Variants in FRMD4A observed in about 807,000 individuals in gnomAD.
FRMD4A encodes FERM domain-containing protein 4A.
A neutral mutation model predicts 129.1 loss-of-function variants in FRMD4A; 29 were observed. The ratio of observed to expected loss-of-function variants is 0.22; its 90% CI spans 0.17 to 0.31. The LOEUF is 0.31. Among genes scored for constraint, FRMD4A ranks in the 10% least tolerant of loss-of-function variants. The probability of loss-of-function intolerance (pLI) is 1.00; values close to 1 mark genes in which losing one functional copy is unlikely to be tolerated. For missense variants in FRMD4A, 1,272 were observed against 1,375.8 expected (o/e 0.92, Z 1.19); for synonymous variants, 634 against 571.6 (o/e 1.11, Z -1.56).
chr10:14,073,767 A>C (rs1835428318), intron 2 of FRMD4A, among the ~76,000 whole-genome samples: 1 of 152,092 alleles, frequency 6.6e-6, no homozygotes, highest in Non-Finnish European at 1.5e-5. Context: ...CTAATAACTT[A>C]GGTGTTAAAA....
intron 2 of FRMD4A, among the ~76,000 whole-genome samples, chr10:13,967,450 A>G (rs2095492473): frequency 6.6e-6 from 1 of 152,238 alleles, no homozygotes; most frequent in East Asian, 1.9e-4. Flanking sequence ...CTTGGGTGAT[A>G]GGTGCAACAA....
intron 2 of FRMD4A, among the ~76,000 whole-genome samples, chr10:14,048,354 T>C (rs941616088): frequency 1.3e-5 from 2 of 152,230 alleles, no homozygotes; most frequent in African/African-American, 4.8e-5. Flanking sequence ...TTCCTCTTAA[T>C]AGCACGTCGT....
chr10:13,740,137 TTTTGATTTG>T, intron 11 of FRMD4A, 48 bp downstream of exon 11: 1 of 935,786 alleles, frequency 1.1e-6, no homozygotes, highest in Non-Finnish European at 1.7e-6. Flanking sequence ...TAACGAGATG[TTTTGATTTG>T]TTTGCTTAGG....
intron 2 of FRMD4A, among the ~76,000 whole-genome samples, chr10:13,968,004 C>T (rs545329691): frequency 1.3e-5 from 2 of 152,344 alleles, no homozygotes; most frequent in East Asian, 3.9e-4. Context: ...ATGATTACAC[C>T]ACTGCACTTC....
At chr10:13,663,089 C>G (rs750373296) in intron 19 of FRMD4A, among the ~76,000 whole-genome samples, 30 of 151,438 alleles carry the variant, frequency 2.0e-4, no homozygotes, top group Non-Finnish European at 3.8e-4. Context: ...ACTAGGGAGG[C>G]TGAGGTGGAA....
intron 2 of FRMD4A, among the ~76,000 whole-genome samples, chr10:13,985,370 C>T (rs538292650): frequency 5.9e-5 from 9 of 152,260 alleles, no homozygotes; most frequent in Non-Finnish European, 5.9e-5. Flanking sequence ...GAATGGAGGA[C>T]GCCTGCTGAG....
intron 2 of FRMD4A, among the ~76,000 whole-genome samples, chr10:14,279,410 G>T (rs143811547): frequency 0.064 from 9,778 of 151,740 alleles, 398 homozygotes; most frequent in Non-Finnish European, 0.089. Flanking sequence ...GGTTGGCCAG[G>T]CTGGTCTCAA....
At chr10:13,991,720 A>G (rs1390597249) in intron 2 of FRMD4A, 5 of 152,610 alleles carry the variant, frequency 3.3e-5, no homozygotes, top group African/African-American at 4.8e-5. Context: ...TTTACTCTCA[A>G]TGGGCTACGT....
chr10:13,845,814 A>C (rs2094036850), intron 3 of FRMD4A, among the ~76,000 whole-genome samples: 3 of 152,162 alleles, frequency 2.0e-5, no homozygotes, highest in African/African-American at 7.2e-5. Context: ...AAGAAACTGA[A>C]GGTTAAGGAG....
chr10:13,826,864 A>T, intron 3 of FRMD4A, among the ~76,000 whole-genome samples: 1 of 152,228 alleles, frequency 6.6e-6, no homozygotes, highest in South Asian at 2.1e-4. Flanking sequence ...GCGAGCAAGG[A>T]TGTAAAAGCC....
At chr10:14,149,957 A>T (rs1198424542) in intron 2 of FRMD4A, among the ~76,000 whole-genome samples, 1 of 152,238 alleles carries the variant, frequency 6.6e-6, no homozygotes, top group Non-Finnish European at 1.5e-5. Flanking sequence ...TACAGGAGAC[A>T]TGGCTGGGGA....
intron 24 of FRMD4A, chr10:13,649,343 A>C (rs758227095): frequency 7.8e-6 from 1 of 127,952 alleles, no homozygotes; most frequent in Non-Finnish European, 1.9e-5. Context: ...TGGTATGTGA[A>C]GAGCCTAACT....
chr10:14,122,919 A>G (rs562701060), intron 2 of FRMD4A, among the ~76,000 whole-genome samples: 1 of 152,336 alleles, frequency 6.6e-6, no homozygotes, highest in Admixed American at 6.5e-5. Flanking sequence ...GGGAACATTC[A>G]GTATCTTCCT....
At chr10:13,975,401 G>C (rs984501983) in intron 2 of FRMD4A, among the ~76,000 whole-genome samples, 10 of 151,996 alleles carry the variant, frequency 6.6e-5, no homozygotes, top group African/African-American at 2.4e-4. Flanking sequence ...GTCTCTGTGT[G>C]TGTGTCTGTG....
At chr10:13,970,294 C>A (rs1416486812) in intron 2 of FRMD4A, among the ~76,000 whole-genome samples, 2 of 145,544 alleles carry the variant, frequency 1.4e-5, no homozygotes, top group Non-Finnish European at 2.9e-5. Flanking sequence ...GGTCTACCCC[C>A]CGCCTGCCCA....
chr10:14,221,232 T>G (rs1843249874), intron 2 of FRMD4A, among the ~76,000 whole-genome samples: 1 of 152,168 alleles, frequency 6.6e-6, no homozygotes. Flanking sequence ...TAACTTTTCT[T>G]ACCTGGATCA....
intron 15 of FRMD4A, among the ~76,000 whole-genome samples, chr10:13,680,507 CAGG>C (rs36084650): frequency 0.01 from 1,550 of 151,926 alleles, 22 homozygotes; most frequent in African/African-American, 0.036. Context: ...GTGGGCAGAT[CAGG>C]AGGTCAGATT....
At chr10:13,855,313 C>T (rs1351605116) in intron 3 of FRMD4A, among the ~76,000 whole-genome samples, 1 of 152,094 alleles carries the variant, frequency 6.6e-6, no homozygotes, top group Non-Finnish European at 1.5e-5. Flanking sequence ...CTTTCTCGCC[C>T]AACACTGATG....
chr10:13,704,855 G>A (rs1180157131), intron 13 of FRMD4A, among the ~76,000 whole-genome samples: 1 of 151,678 alleles, frequency 6.6e-6, no homozygotes, highest in Non-Finnish European at 1.5e-5. Context: ...AGGATTGCTT[G>A]AGCTTGGGAA....
Sources: gnomAD v4.1 joint callset for allele counts (sites outside exome capture counted in the v4.1 genomes callset) on GRCh38, gnomAD v4.1.1 for gene constraint, MANE v1.5 for transcripts, NCBI Gene and HGNC (gene_info 2026-07-23, HGNC 2026-07-21) for gene names.